Variants in DCP1B observed in about 807,000 individuals in gnomAD.
DCP1B encodes decapping mRNA 1B, also known as mRNA-decapping enzyme 1B.
DCP1B carries 47 observed loss-of-function variants against 60.5 expected under a neutral mutation model. The ratio of observed to expected loss-of-function variants is 0.78; its 90% CI spans 0.61 to 0.99. The LOEUF is 0.99. Ranked by LOEUF, DCP1B falls within the 50% of genes least tolerant of loss-of-function variation. DCP1B has a pLI of 0.00. For missense variants in DCP1B, 725 were observed against 756.8 expected, an observed-to-expected ratio of 0.96 and a Z score of 0.49; for synonymous variants, 267 against 280.3, an observed-to-expected ratio of 0.95 and a Z score of 0.47.
chr12:1,961,240 G>C lies in DCP1B; in HGVS notation c.522+4318C>G, dbSNP rs1340127282. 3.3e-5 allele frequency: 5 copies of C among 152,312 alleles called. No homozygotes were observed. In the East Asian group the frequency reaches 9.6e-4, roughly 29 times the overall value. The allele number at this position is 152,312 out of a possible 1,614,324, so 9.4% of individuals were successfully genotyped here. On this transcript the variant is annotated intron_variant, in intron 5 of 8. Transcript: ENST00000280665. ...GCAGGAGTTTCAAATATTTGTAGAG[G>C]GTAGTAGGGTTAGAAGAACAAACTG...
intron 1 of DCP1B, among the ~76,000 whole-genome samples, chr12:1,999,165 G>A (rs140449567): frequency 2.0e-5 from 3 of 152,326 alleles, no homozygotes; most frequent in African/African-American, 4.8e-5. Flanking sequence ...TCTGGGGATG[G>A]TGCTCAGCAA....
At chr12:1,960,524 T>A (rs1292475259) in intron 5 of DCP1B, among the ~76,000 whole-genome samples, 2 of 152,128 alleles carry the variant, frequency 1.3e-5, no homozygotes, top group African/African-American at 4.8e-5. Flanking sequence ...GCTAAAAGAG[T>A]AGATTTTAAT....
intron 5 of DCP1B, among the ~76,000 whole-genome samples, chr12:1,964,078 A>G (rs983193036): frequency 6.6e-6 from 1 of 152,176 alleles, no homozygotes; most frequent in Admixed American, 6.5e-5. Context: ...TACAAACAAT[A>G]AAACCAATGA....
downstream of DCP1B, among the ~76,000 whole-genome samples, chr12:1,943,213 C>G (rs1236454849): frequency 6.6e-6 from 1 of 152,166 alleles, no homozygotes; most frequent in Non-Finnish European, 1.5e-5. Flanking sequence ...TGGATAAATT[C>G]CTTGACACAT....
intron 5 of DCP1B, among the ~76,000 whole-genome samples, chr12:1,959,786 C>T (rs991681285): frequency 1.9e-4 from 29 of 151,984 alleles, no homozygotes; most frequent in Non-Finnish European, 3.7e-4. Flanking sequence ...GGTGAAACCC[C>T]GTCTCTACTA....
intron 5 of DCP1B, 61 bp downstream of exon 5, chr12:1,965,497 A>G: frequency 4.0e-6 from 6 of 1,504,774 alleles, no homozygotes; most frequent in Non-Finnish European, 5.3e-6. Flanking sequence ...CTTGCTAAAC[A>G]AGAATATTCC....
At chr12:1,955,765 T>A (rs1047438494) in intron 5 of DCP1B, among the ~76,000 whole-genome samples, 1 of 152,172 alleles carries the variant, frequency 6.6e-6, no homozygotes, top group African/African-American at 2.4e-5. Context: ...AGTTGGACAA[T>A]TCAGTGCTCT....
intron 5 of DCP1B, among the ~76,000 whole-genome samples, chr12:1,960,723 T>C (rs2031091288): frequency 1.3e-5 from 2 of 152,216 alleles, no homozygotes; most frequent in Non-Finnish European, 2.9e-5. Flanking sequence ...AGTCTAGCAC[T>C]GAAAACCATC....
At chr12:1,950,750 A>C (rs2030637302) in intron 7 of DCP1B, among the ~76,000 whole-genome samples, 1 of 152,242 alleles carries the variant, frequency 6.6e-6, no homozygotes, top group South Asian at 2.1e-4. Flanking sequence ...GGGCTCAAGC[A>C]ATCTTCCCAC....
chr12:1,971,191 C>T lies in DCP1B; in HGVS notation c.320-3281G>A, dbSNP rs1489137722. On this transcript the variant is annotated intron_variant, in intron 3 of 8. Transcript: ENST00000280665. This position sits in a 1 kb window ranked among gnomAD's most constrained non-coding sequence, Gnocchi z 4.2. ...AAGCTCAACTCAACTATTTCTACAT[C>T]TCTCCTGGAGGTAAGAAACCCTAAA... is the stretch of plus-strand genomic sequence containing the variant. 2 of 1,288,414 alleles carry T rather than the reference C, an allele frequency of 1.6e-6. No individual in the cohort carries two copies. The highest frequency in any genetic ancestry group is 2.0e-6 in the Non-Finnish European group (2 of 987,656). 79.8% of individuals were successfully genotyped at this position (1,288,414 alleles called of 1,614,324 possible).
chr12:1,960,507 G>A (rs1220398977), intron 5 of DCP1B, among the ~76,000 whole-genome samples: 1 of 152,154 alleles, frequency 6.6e-6, no homozygotes. Context: ...ATTGTATACT[G>A]AAAGTTGCTA....
At chr12:1,965,297 T>C (rs939073925) in intron 5 of DCP1B, among the ~76,000 whole-genome samples, 4 of 152,156 alleles carry the variant, frequency 2.6e-5, no homozygotes, top group Non-Finnish European at 5.9e-5. Context: ...ACCAGTTGTG[T>C]ATATGAAGGT....
rs1475301428 is a variant in DCP1B at position 1,953,119 on chromosome 12, A to G, written c.821T>C (p.Leu274Pro). Residue 274 changes from leucine to proline, a missense_variant, in exon 7 of 9, where the codon CTG becomes CCG. Leu to Pro is a moderately conservative substitution (Grantham distance 98). Transcript: ENST00000280665. ...GTGTCTTCTGGGTTCCTCATAGGAC[A>G]GGGAGCGTACAACCCCCTGCCTAAT... is the stretch of plus-strand genomic sequence containing the variant. The part of the protein sequence containing the change: ...LPIRQGVVRS[L>P]SYEEPRRHSP... 21 of 1,613,900 alleles carry G rather than the reference A, an allele frequency of 1.3e-5. No homozygotes were observed. The highest frequency in any genetic ancestry group is 1.8e-5 in the Non-Finnish European group (21 of 1,179,992).
chr12:1,983,333 TTAC>T (rs1565821003), intron 3 of DCP1B, among the ~76,000 whole-genome samples: 1 of 152,032 alleles, frequency 6.6e-6, no homozygotes, highest in Non-Finnish European at 1.5e-5. Context: ...AACGTTTGAA[TTAC>T]TGACTTAAGA....
intron 6 of DCP1B, among the ~76,000 whole-genome samples, chr12:1,955,141 GC>G (rs1356326696): frequency 6.6e-6 from 1 of 152,188 alleles, no homozygotes; most frequent in African/African-American, 2.4e-5. Context: ...ACAGGCTTGA[GC>G]CACTGTGCTG....
In DCP1B at chr12:1,971,424, G is replaced by GC. The variant is rs1239018218; in HGVS notation, c.320-3515dup. Reference sequence around the variant, plus strand: ...CAATTGAAAAAAAGTGATGTTTGAGGCAACAGGCAATGCAATACTGCCTTT... The same window carrying GC: ...CAATTGAAAAAAAGTGATGTTTGAGGCCAACAGGCAATGCAATACTGCCTTT... On this transcript the variant is annotated intron_variant, in intron 3 of 8. Coordinates refer to ENST00000280665, the MANE Select transcript of DCP1B (RefSeq NM_152640.5). This position sits in a 1 kb window ranked among gnomAD's most constrained non-coding sequence, Gnocchi z 4.2. Among the ~76,000 whole-genome samples the GC allele has an allele frequency of 2.0e-5, 3 of 152,226 alleles. No homozygotes were observed. The highest frequency in any genetic ancestry group is 7.2e-5 in the African/African-American group (3 of 41,534).
In DCP1B at chr12:1,971,043, T is replaced by C; in HGVS notation, c.320-3133A>G. On this transcript the variant is annotated intron_variant, in intron 3 of 8. Transcript: ENST00000280665. This position sits in a 1 kb window ranked among gnomAD's most constrained non-coding sequence, Gnocchi z 4.2. ...TTAGCTTTAAAAATCAACCAATTAA[T>C]ATACATCTGGAAATTCACAATGCTT... The C allele has an allele frequency of 7.8e-7, 1 of 1,278,242 alleles. No homozygotes were observed. The allele number at this position is 1,278,242 out of a possible 1,614,324, so 79.2% of individuals were successfully genotyped here.
chr12:1,986,668 T>C (rs1291355365), intron 3 of DCP1B, among the ~76,000 whole-genome samples: 1 of 15,382 alleles, frequency 6.5e-5, no homozygotes, highest in African/African-American at 8.7e-4. Context: ...GGTTTTGTTA[T>C]TTTTTTTTTC....
chr12:2,004,365 G>C lies in DCP1B; in HGVS notation c.67C>G (p.Arg23Gly), dbSNP rs2042929060. 2 of 1,613,016 alleles carry C rather than the reference G, an allele frequency of 1.2e-6. No individual in the cohort carries two copies. The highest frequency in any genetic ancestry group is 1.1e-5 in the South Asian group (1 of 91,060). Residue 23 changes from arginine (R) to glycine (G), a missense_variant, in exon 1 of 9, where the codon CGC (arginine) becomes GGC (glycine). By Grantham distance (125) the Arg-to-Gly change is moderately radical (BLOSUM62 -2). Transcript: ENST00000280665. ...ATGCGGTTGATATAGGGGTCGTGGC[G>C]CTGCAGGGCCGCTAGGCTGATGTCG... Reference protein sequence around the residue: ...GRDISLAALQRHDPYINRIVD... With the variant: ...GRDISLAALQGHDPYINRIVD...
Sources: gnomAD v4.1 joint callset for allele counts (sites outside exome capture counted in the v4.1 genomes callset) on GRCh38, gnomAD v4.1.1 for gene constraint, Gnocchi (gnomAD v3.1) non-coding constraint, MANE v1.5 for transcripts, NCBI Gene and HGNC (gene_info 2026-07-23, HGNC 2026-07-21) for gene names.